CDH18: variants seen among roughly 807,000 people sequenced by gnomAD.
CDH18 encodes the protein cadherin 18.
CDH18 carries 31 observed loss-of-function variants against 67.9 expected under a neutral mutation model. That is an observed-to-expected ratio of 0.46 (90% CI 0.34 to 0.62). The LOEUF is 0.62. Among genes scored for constraint, CDH18 ranks in the 20% least tolerant of loss-of-function variants. CDH18 has a pLI of 0.01. For synonymous variants in CDH18, 362 were observed against 347.2 expected, an observed-to-expected ratio of 1.04 and a Z score of -0.48; for missense variants, 890 against 975.5, an observed-to-expected ratio of 0.91 and a Z score of 1.17.
chr5:20,491,417 TA>T (rs1753577153), intron 1 of CDH18, among the ~76,000 whole-genome samples: 1 of 152,142 alleles, frequency 6.6e-6, no homozygotes, highest in Non-Finnish European at 1.5e-5. Context: ...ACAGGTTCTC[TA>T]GAACCAATAG....
chr5:19,763,653 G>A (rs1441155583), intron 3 of CDH18, among the ~76,000 whole-genome samples: 3 of 152,102 alleles, frequency 2.0e-5, no homozygotes, highest in Admixed American at 2.0e-4. Flanking sequence ...AGAGAACATT[G>A]ACACAAAGTT....
chr5:19,540,448 G>C (rs1431518306), intron 9 of CDH18, among the ~76,000 whole-genome samples: 1 of 152,112 alleles, frequency 6.6e-6, no homozygotes, highest in Non-Finnish European at 1.5e-5. Context: ...CCACTAGGCA[G>C]CGCCCCAGTG....
intron 2 of CDH18, among the ~76,000 whole-genome samples, chr5:20,210,080 A>T (rs1740238688): frequency 6.6e-6 from 1 of 151,698 alleles, no homozygotes; most frequent in Admixed American, 6.6e-5. Flanking sequence ...TTTAAAAATA[A>T]CTTAGACATA....
intron 2 of CDH18, among the ~76,000 whole-genome samples, chr5:20,132,912 C>A (rs1257437508): frequency 1.3e-5 from 2 of 152,030 alleles, no homozygotes; most frequent in Non-Finnish European, 2.9e-5. Context: ...ACTTATCTTT[C>A]TCTTTATGCA....
chr5:20,313,000 T>C (rs1007749206), intron 1 of CDH18, among the ~76,000 whole-genome samples: 1 of 152,102 alleles, frequency 6.6e-6, no homozygotes, highest in African/African-American at 2.4e-5. Context: ...CTTAAAACAA[T>C]GGTTGAGAAA....
intron 3 of CDH18, among the ~76,000 whole-genome samples, chr5:19,803,005 T>G (rs149329711): frequency 6.6e-6 from 1 of 152,348 alleles, no homozygotes; most frequent in East Asian, 1.9e-4. Flanking sequence ...CTGGCCTTTC[T>G]GCCAATTGTG....
At chr5:20,051,652 C>A (rs1428457135) in intron 2 of CDH18, among the ~76,000 whole-genome samples, 1 of 151,708 alleles carries the variant, frequency 6.6e-6, no homozygotes, top group Non-Finnish European at 1.5e-5. Flanking sequence ...AGAAGATATT[C>A]CAAGAATAGA....
At chr5:20,575,172 T>A (rs949462219) in intron 1 of CDH18, among the ~76,000 whole-genome samples, 1 of 152,162 alleles carries the variant, frequency 6.6e-6, no homozygotes, top group Non-Finnish European at 1.5e-5. Flanking sequence ...GTACTTTGTA[T>A]TATAAACTTG....
chr5:20,047,387 A>T (rs1280228292), intron 2 of CDH18, among the ~76,000 whole-genome samples: 1 of 151,904 alleles, frequency 6.6e-6, no homozygotes, highest in Non-Finnish European at 1.5e-5. Context: ...GAACTTTAAA[A>T]CACCTTTGCA....
chr5:20,026,264 C>A (rs1738888814), intron 2 of CDH18, among the ~76,000 whole-genome samples: 1 of 152,018 alleles, frequency 6.6e-6, no homozygotes, highest in African/African-American at 2.4e-5. Flanking sequence ...GATCTGTGGC[C>A]AAATCATAAA....
chr5:19,877,868 T>G (rs1787199343), intron 2 of CDH18: 1 of 152,154 alleles, frequency 6.6e-6, no homozygotes, highest in Non-Finnish European at 1.5e-5. Flanking sequence ...ATGATAGCTA[T>G]TCACAAAATC....
At chr5:19,827,430 A>T (rs2149977492) in intron 3 of CDH18, among the ~76,000 whole-genome samples, 1 of 152,224 alleles carries the variant, frequency 6.6e-6, no homozygotes, top group South Asian at 2.1e-4. Context: ...TGAAAAACAG[A>T]TTGTAAATTC....
intron 4 of CDH18, among the ~76,000 whole-genome samples, chr5:19,738,836 C>G (rs751677570): frequency 6.6e-6 from 1 of 152,038 alleles, no homozygotes; most frequent in Non-Finnish European, 1.5e-5. Context: ...AACCCCATGA[C>G]ACATGTTTAC....
At chr5:20,432,625 A>G (rs1748837066) in intron 1 of CDH18, among the ~76,000 whole-genome samples, 1 of 151,994 alleles carries the variant, frequency 6.6e-6, no homozygotes, top group African/African-American at 2.4e-5. Context: ...GGGCTCACTG[A>G]TGGCTGTCTT....
At chr5:20,306,375 AT>A (rs57484922) in intron 1 of CDH18, among the ~76,000 whole-genome samples, 8,300 of 152,160 alleles carry the variant, frequency 0.055, 727 homozygotes, top group African/African-American at 0.19. Context: ...TGCTAAGAAT[AT>A]TCTTTAGAAA....
At chr5:20,555,040 A>G (rs567107297) in intron 1 of CDH18, among the ~76,000 whole-genome samples, 1 of 152,190 alleles carries the variant, frequency 6.6e-6, no homozygotes, top group Non-Finnish European at 1.5e-5. Flanking sequence ...ATGTTGCATT[A>G]CATGTTGCCG....
At chr5:20,488,676 T>TAC (rs1753370467) in intron 1 of CDH18, among the ~76,000 whole-genome samples, 1 of 41,804 alleles carries the variant, frequency 2.4e-5, no homozygotes, top group Non-Finnish European at 4.3e-5. Context: ...TAGTGTTTTA[T>TAC]ATATATATAT....
At chr5:20,134,256 G>A (rs1245596852) in intron 2 of CDH18, among the ~76,000 whole-genome samples, 2 of 152,118 alleles carry the variant, frequency 1.3e-5, no homozygotes, top group African/African-American at 2.4e-5. Context: ...TATTACAGAT[G>A]TGAGTCACCA....
chr5:20,362,425 C>T (rs1308876177), intron 1 of CDH18, among the ~76,000 whole-genome samples: 1 of 152,104 alleles, frequency 6.6e-6, no homozygotes, highest in African/African-American at 2.4e-5. Context: ...CCTCTGTACT[C>T]CCTCTTGCTG....
Sources: gnomAD v4.1 joint callset for allele counts (sites outside exome capture counted in the v4.1 genomes callset) on GRCh38, gnomAD v4.1.1 for gene constraint, MANE v1.5 for transcripts, NCBI Gene and HGNC (gene_info 2026-07-23, HGNC 2026-07-21) for gene names.